MORC3: variants seen among roughly 807,000 people sequenced by gnomAD.
The protein encoded by MORC3 is MORC family CW-type zinc finger 3.
A neutral mutation model predicts 109.1 loss-of-function variants in MORC3; 31 were observed. The ratio of observed to expected loss-of-function variants is 0.28; its 90% confidence interval spans 0.21 to 0.38. The LOEUF is 0.38. Among genes scored for constraint, MORC3 ranks in the 10% least tolerant of loss-of-function variants. MORC3 has a pLI of 1.00. For synonymous variants in MORC3, 395 were observed against 380.7 expected (o/e 1.04, Z -0.44); for missense variants, 867 against 1,135.8 (o/e 0.76, Z 3.40).
rs1443785570 is a variant in MORC3, at chr21:36,334,113, G to T, written c.112+395G>T. 6.6e-5 allele frequency among the ~76,000 whole-genome samples: 10 copies of T among 152,162 alleles called. No individual in the cohort carries two copies. In the East Asian group the frequency reaches 1.7e-3, roughly 26 times the overall value. The stretch of plus-strand genomic sequence containing the variant: ...ACAAAAATATTTTAAAAATCAGCTG[G>T]GTATGGTGGTGCAGGCCTGTGGTCC... On this transcript the variant is annotated intron_variant, in intron 2 of 16. Transcript: ENST00000400485.
rs1316285067 is a variant in MORC3 at position 36,333,786 on chromosome 21, TTTG to T, written c.112+71_112+73del. The T allele has an allele frequency of 6.0e-4, 800 of 1,338,222 alleles. 5 individuals are homozygous for T. Among genetic ancestry groups the T allele is most frequent in the Admixed American group, 1.4e-3 (64 of 46,812 alleles). The allele number at this position is 1,338,222 out of a possible 1,614,324, so 82.9% of individuals were successfully genotyped here. A position where few individuals can be genotyped will look rare whatever the true frequency, so the allele number is the denominator to read the frequency against. On this transcript the variant is annotated intron_variant, in intron 2 of 16. Coordinates refer to ENST00000400485, the MANE Select transcript of MORC3 (RefSeq NM_015358.3). Reference sequence around the variant, plus strand: ...TGTAGTGTTTTTTTTTTTGTTTTGTTTTGTTTTTTTTTTTTAAACAGAGTCTCT... The same window carrying T: ...TGTAGTGTTTTTTTTTTTGTTTTGTTTTTTTTTTTTTTAAACAGAGTCTCT...
chr21:36,321,004 T>TC (rs1359449210), intron 1 of MORC3, among the ~76,000 whole-genome samples: 1 of 152,184 alleles, frequency 6.6e-6, no homozygotes, highest in Non-Finnish European at 1.5e-5. Flanking sequence ...GGGCGTGGCT[T>TC]CCCCACCTGA....
Position 36,325,666 on chromosome 21 carries a change from T to TC in MORC3, c.39+5369dup, listed in dbSNP as rs552103170. Among the ~76,000 whole-genome samples the TC allele has an allele frequency of 3.7e-4, 57 of 152,294 alleles. No homozygotes were observed. The East Asian group carries it at 9.7e-3, about 26-fold the overall frequency. On this transcript the variant is annotated intron_variant, in intron 1 of 16. Coordinates refer to ENST00000400485, the MANE Select transcript of MORC3 (RefSeq NM_015358.3). ...CTGTCTAGGAATTTGACTACGGTAGTCCCCCCTTATCTGCAGTTTTGCTTT... is the reference window on the plus strand; with the variant it reads ...CTGTCTAGGAATTTGACTACGGTAGTCCCCCCCTTATCTGCAGTTTTGCTTT...
At chr21:36,336,584 T>C (rs1467644609) in intron 2 of MORC3, among the ~76,000 whole-genome samples, 1 of 152,260 alleles carries the variant, frequency 6.6e-6, no homozygotes, top group African/African-American at 2.4e-5. Flanking sequence ...TAGTGATTTT[T>C]CTTCCTTTGT....
In MORC3 at chr21:36,372,530, A is replaced by G; in HGVS notation, c.2665A>G (p.Ser889Gly). The G allele has an allele frequency of 6.3e-7, 1 of 1,575,536 alleles. No individual in the cohort carries two copies. Among genetic ancestry groups the G allele is most frequent in the African/African-American group, 1.4e-5 (1 of 72,742 alleles). Reference protein sequence around the residue: ...EESVNHMDGESLKLRSLRVNV... With the variant: ...EESVNHMDGEGLKLRSLRVNV... Reference sequence around the variant, plus strand: ...GTCTGTAAATCATATGGATGGAGAAAGGTAATATTAAATGAGGCGTTTTTG... The same window carrying G: ...GTCTGTAAATCATATGGATGGAGAAGGGTAATATTAAATGAGGCGTTTTTG... Residue 889 changes from serine (S) to glycine (G), a missense_variant and splice_region_variant, in exon 16 of 17, where the codon AGC (serine) becomes GGC (glycine). Transcript: ENST00000400485.
At chr21:36,368,250 C>T (rs1323858993) in intron 14 of MORC3, among the ~76,000 whole-genome samples, 2 of 151,872 alleles carry the variant, frequency 1.3e-5, no homozygotes, top group East Asian at 3.9e-4. Flanking sequence ...AGGATAAATA[C>T]TGGTTTGCTT....
intron 1 of MORC3, among the ~76,000 whole-genome samples, chr21:36,323,934 G>A (rs2085219994): frequency 6.6e-6 from 1 of 151,888 alleles, no homozygotes; most frequent in Admixed American, 6.6e-5. Flanking sequence ...GGAGTGCAAG[G>A]GCGTGATCTC....
intron 9 of MORC3, among the ~76,000 whole-genome samples, chr21:36,352,836 G>T (rs2085588775): frequency 6.6e-6 from 1 of 152,018 alleles, no homozygotes; most frequent in South Asian, 2.1e-4. Context: ...TGGGAATGGT[G>T]GCACACATCT....
intron 16 of MORC3, among the ~76,000 whole-genome samples, chr21:36,374,000 G>A (rs1216624469): frequency 6.6e-6 from 1 of 152,108 alleles, no homozygotes; most frequent in East Asian, 1.9e-4. Context: ...CTTAATCTAT[G>A]GTTTCCCAGT....
chr21:36,338,057 C>G (rs2085393628), intron 4 of MORC3, 111 bp downstream of exon 4: 1 of 1,065,074 alleles, frequency 9.4e-7, no homozygotes, highest in Non-Finnish European at 1.4e-6. Flanking sequence ...ACACCTATTC[C>G]ATTTCTTACC....
Position 36,344,989 on chromosome 21 carries a change from T to C in MORC3, c.963T>C (p.Asn321=), listed in dbSNP as rs1215033262. The C allele has an allele frequency of 6.2e-7, 1 of 1,611,036 alleles. No homozygotes were observed. The highest frequency in any genetic ancestry group is 1.3e-5 in the African/African-American group (1 of 74,820). Residue 321 remains asparagine (N), a synonymous_variant, in exon 8 of 17, where the codon AAT becomes AAC. Transcript: ENST00000400485. Reference sequence around the variant, plus strand: ...ATGGGATAATGATGTATCACAGAAATAGACTCATCAAAGCTTATGAAAAAG... The same window carrying C: ...ATGGGATAATGATGTATCACAGAAACAGACTCATCAAAGCTTATGAAAAAG... ...DHYGIMMYHR[N]RLIKAYEKVG...
At chr21:36,333,139 C>T (rs1601513098) in intron 1 of MORC3, among the ~76,000 whole-genome samples, 2 of 152,286 alleles carry the variant, frequency 1.3e-5, no homozygotes, top group South Asian at 2.1e-4. Flanking sequence ...ATGTATACTA[C>T]TACACTGCTA....
chr21:36,366,315 C>T (rs577498830), intron 14 of MORC3, among the ~76,000 whole-genome samples: 172 of 152,002 alleles, frequency 1.1e-3, no homozygotes, highest in Non-Finnish European at 2.3e-3. Context: ...GCCTTAATTC[C>T]CTTAGGATAA....
Position 36,369,243 on chromosome 21 carries a change from A to G in MORC3, c.1875A>G (p.Thr625=). ...AACCTTGTGGCCAGACTGGTTCAAC[A>G]AGCACCTCATCATCCCGATGCGACC... The part of the protein sequence containing the change: ...DSEPCGQTGS[T]STSSSRCDQG... Residue 625 remains threonine (T), a synonymous_variant, in exon 15 of 17, where the codon ACA becomes ACG. Transcript: ENST00000400485. 1.2e-6 allele frequency: 2 copies of G among 1,614,178 alleles called. No individual in the cohort carries two copies. The highest frequency in any genetic ancestry group is 1.3e-5 in the African/African-American group (1 of 75,066).
At chr21:36,335,885 T>A (rs1047595203) in intron 2 of MORC3, among the ~76,000 whole-genome samples, 3 of 152,178 alleles carry the variant, frequency 2.0e-5, no homozygotes, top group Non-Finnish European at 2.9e-5. Context: ...CACTCAGATC[T>A]CTTTCCCCTA....
chr21:36,357,414 A>AT (rs1260976508), intron 10 of MORC3, among the ~76,000 whole-genome samples: 2 of 152,022 alleles, frequency 1.3e-5, no homozygotes, highest in East Asian at 3.8e-4. Context: ...GTACTTTTCA[A>AT]TTTTTTTATA....
chr21:36,374,737 A>T (rs2085910376), intron 16 of MORC3, among the ~76,000 whole-genome samples: 3 of 152,328 alleles, frequency 2.0e-5, no homozygotes, highest in Middle Eastern at 6.8e-3. Context: ...CAGTGGTGCC[A>T]TCGCAGCTCA....
chr21:36,375,311 A>G lies in MORC3; in HGVS notation c.*15A>G, dbSNP rs763611356. On this transcript the variant is annotated 3_prime_UTR_variant, in exon 17 of 17. Coordinates refer to ENST00000400485, the MANE Select transcript of MORC3 (RefSeq NM_015358.3). ...GTAGTACTTAAAGTATATGTTATGT[A>G]AGATAAAATATTTGCTCAATTCTTT... is the stretch of plus-strand genomic sequence containing the variant. 1.6e-5 allele frequency: 25 copies of G among 1,587,920 alleles called. No individual in the cohort carries two copies. Among genetic ancestry groups the G allele is most frequent in the Non-Finnish European group, 2.1e-5 (24 of 1,163,508 alleles).
chr21:36,338,945 C>G, intron 5 of MORC3, 24 bp downstream of exon 5: 1 of 1,610,522 alleles, frequency 6.2e-7, no homozygotes, highest in Non-Finnish European at 8.5e-7. Flanking sequence ...TAGATGTTGA[C>G]CGTTTGGGAA....
Sources: gnomAD v4.1 joint callset for allele counts (sites outside exome capture counted in the v4.1 genomes callset) on GRCh38, gnomAD v4.1.1 for gene constraint, MANE v1.5 for transcripts, NCBI Gene and HGNC (gene_info 2026-07-23, HGNC 2026-07-21) for gene names.